The following CACNA2D3 variants were observed in gnomAD, a reference collection of about 807,000 sequenced individuals.
CACNA2D3 encodes calcium voltage-gated channel auxiliary subunit alpha2delta 3.
CACNA2D3 carries 60 observed loss-of-function variants against 160.6 expected under a neutral mutation model. That is an observed-to-expected ratio of 0.37 (90% CI 0.30 to 0.46). CACNA2D3 has a LOEUF of 0.46. Ranked by LOEUF, CACNA2D3 falls within the 20% of genes least tolerant of loss-of-function variation. The pLI is 1.00. For missense variants in CACNA2D3, 1,205 were observed against 1,365.0 expected (o/e 0.88, Z 1.85); for synonymous variants, 558 against 492.9 (o/e 1.13, Z -1.75).
chr3:54,496,965 C>T (rs1467031120), intron 4 of CACNA2D3, among the ~76,000 whole-genome samples: 1 of 152,078 alleles, frequency 6.6e-6, no homozygotes, highest in East Asian at 1.9e-4. Flanking sequence ...GTTTCATGAT[C>T]TGTTTGTCTA....
At chr3:54,207,282 G>T (rs1219674773) in intron 2 of CACNA2D3, among the ~76,000 whole-genome samples, 1 of 150,588 alleles carries the variant, frequency 6.6e-6, no homozygotes, top group Non-Finnish European at 1.5e-5. Flanking sequence ...GTGTGCTAGG[G>T]TCTTCATCTT....
At chr3:54,171,342 G>A (rs549771610) in intron 2 of CACNA2D3, among the ~76,000 whole-genome samples, 1 of 151,630 alleles carries the variant, frequency 6.6e-6, no homozygotes, top group African/African-American at 2.4e-5. Context: ...TGCAGTCTTC[G>A]TGGTTGTAGT....
At chr3:55,038,077 A>G (rs905140483) in intron 35 of CACNA2D3, among the ~76,000 whole-genome samples, 2 of 152,192 alleles carry the variant, frequency 1.3e-5, no homozygotes, top group African/African-American at 2.4e-5. Flanking sequence ...ACTAACATCC[A>G]TGATAAAGCA....
chr3:54,403,153 C>T (rs1013510083), intron 4 of CACNA2D3, among the ~76,000 whole-genome samples: 1 of 151,534 alleles, frequency 6.6e-6, no homozygotes, highest in African/African-American at 2.4e-5. Flanking sequence ...TTGAAGAGTT[C>T]GAGACCAGCT....
At chr3:54,647,803 T>G (rs1414934806) in intron 11 of CACNA2D3, among the ~76,000 whole-genome samples, 1 of 152,236 alleles carries the variant, frequency 6.6e-6, no homozygotes, top group Non-Finnish European at 1.5e-5. Flanking sequence ...AGCATCATGA[T>G]TGCTTATGCA....
At position 54,825,935 on chromosome 3, in the gene CACNA2D3, C is replaced by A. The variant is rs150949089; in HGVS notation, c.1398+9065C>A. 3.6e-3 allele frequency among the ~76,000 whole-genome samples: 552 copies of A among 152,108 alleles called. 3 individuals carry two copies. The highest frequency in any genetic ancestry group is 0.013 in the African/African-American group (521 of 41,500). Reference sequence around the variant, plus strand: ...TATACTAGATTAATATGATGAGTTACTCAAGAGAAAACACACATACCATAT... The same window carrying A: ...TATACTAGATTAATATGATGAGTTAATCAAGAGAAAACACACATACCATAT... On this transcript the variant is annotated intron_variant, in intron 14 of 37. Transcript: ENST00000474759.
chr3:54,569,385 A>G (rs538727558), intron 6 of CACNA2D3, among the ~76,000 whole-genome samples: 9 of 152,104 alleles, frequency 5.9e-5, no homozygotes, highest in Non-Finnish European at 1.3e-4. Flanking sequence ...TCCTGTAGAC[A>G]TTACATCACC....
At chr3:54,633,196 C>T (rs1322001971) in intron 10 of CACNA2D3, among the ~76,000 whole-genome samples, 3 of 152,150 alleles carry the variant, frequency 2.0e-5, no homozygotes, top group Non-Finnish European at 4.4e-5. Flanking sequence ...TGGAGCCCTA[C>T]CACCTATCCA....
intron 35 of CACNA2D3, among the ~76,000 whole-genome samples, chr3:55,027,181 C>T (rs1021601106): frequency 5.3e-5 from 8 of 152,232 alleles, no homozygotes; most frequent in African/African-American, 1.7e-4. Flanking sequence ...TATAGAATTA[C>T]GATTTAATGT....
At chr3:54,716,415 G>A (rs1034964059) in intron 11 of CACNA2D3, among the ~76,000 whole-genome samples, 7 of 152,178 alleles carry the variant, frequency 4.6e-5, no homozygotes, top group Non-Finnish European at 5.9e-5. Flanking sequence ...GAAAAAAAGA[G>A]GGAAGATGTG....
intron 5 of CACNA2D3, among the ~76,000 whole-genome samples, chr3:54,515,345 T>TG (rs1308994806): frequency 6.6e-6 from 1 of 152,204 alleles, no homozygotes; most frequent in Non-Finnish European, 1.5e-5. Flanking sequence ...ATGAGGAACA[T>TG]GTGCTGCTTT....
rs563136783 is a variant in CACNA2D3, at chr3:54,769,511, A to G, written c.1380+5160A>G. Among the ~76,000 whole-genome samples the G allele has an allele frequency of 2.0e-5, 3 of 152,130 alleles. No individual in the cohort carries two copies. The South Asian group carries it at 6.2e-4, about 32-fold the overall frequency. The stretch of plus-strand genomic sequence containing the variant: ...GGTTTGAATTGCATGCCTACTCCAT[A>G]TTTGCTCTGTGACTTTAAGCCAGTT... On this transcript the variant is annotated intron_variant, in intron 13 of 37. Transcript: ENST00000474759.
At chr3:54,516,644 G>C (rs534003598) in intron 5 of CACNA2D3, among the ~76,000 whole-genome samples, 29 of 152,292 alleles carry the variant, frequency 1.9e-4, no homozygotes, top group African/African-American at 6.7e-4. Context: ...AAGTCTCTGG[G>C]TTCCAAGTCT....
intron 4 of CACNA2D3, among the ~76,000 whole-genome samples, chr3:54,500,580 T>C (rs1187624465): frequency 6.7e-6 from 1 of 150,062 alleles, no homozygotes. Context: ...TTCTTTTCAT[T>C]CCTTTCTTTC....
In CACNA2D3 at chr3:54,846,111, A is replaced by G. The variant is rs190603950; in HGVS notation, c.1552-282A>G. ...ACTTTCTTGTTAAAAAAAAAAGGTA[A>G]TTGTTTTGTTTTAAATAAATCAAAA... On this transcript the variant is annotated intron_variant, in intron 16 of 37. Coordinates refer to ENST00000474759, the MANE Select transcript of CACNA2D3 (RefSeq NM_018398.3). Among the ~76,000 whole-genome samples the G allele has an allele frequency of 4.4e-3, 668 of 152,266 alleles. 2 individuals carry two copies. The highest frequency in any genetic ancestry group is 0.027 in the Middle Eastern group (8 of 294).
chr3:54,778,281 T>G (rs7618235), intron 13 of CACNA2D3, among the ~76,000 whole-genome samples: 1 of 151,830 alleles, frequency 6.6e-6, no homozygotes, highest in Admixed American at 6.6e-5. Context: ...TTCTCCAACA[T>G]TGGGGGTTAC....
At chr3:54,492,294 G>T (rs186806224) in intron 4 of CACNA2D3, among the ~76,000 whole-genome samples, 1 of 152,286 alleles carries the variant, frequency 6.6e-6, no homozygotes, top group East Asian at 1.9e-4. Flanking sequence ...CAGGACCCTT[G>T]TTCTTTTCTT....
At position 54,496,708 on chromosome 3, in the gene CACNA2D3, C is replaced by T. The variant is rs112860378; in HGVS notation, c.382-6784C>T. ...CCTTCTGTAGCCTAAGAAATCAACGCCTACCTGGAGGCCATAAAGTATCCT... is the reference window on the plus strand; with the variant it reads ...CCTTCTGTAGCCTAAGAAATCAACGTCTACCTGGAGGCCATAAAGTATCCT... On this transcript the variant is annotated intron_variant, in intron 4 of 37. Transcript: ENST00000474759. Among the ~76,000 whole-genome samples the T allele has an allele frequency of 3.6e-3, 550 of 152,248 alleles. 7 individuals are homozygous for T. Among genetic ancestry groups the T allele is most frequent in the African/African-American group, 0.012 (519 of 41,572 alleles).
intron 4 of CACNA2D3, among the ~76,000 whole-genome samples, chr3:54,437,498 A>G (rs1700078550): frequency 6.6e-6 from 1 of 152,136 alleles, no homozygotes; most frequent in African/African-American, 2.4e-5. Context: ...TGCAGCTCCC[A>G]CTTAGGTGGG....
Sources: allele counts gnomAD v4.1 joint callset (sites outside exome capture counted in the v4.1 genomes callset), GRCh38; gene constraint gnomAD v4.1.1; transcripts MANE v1.5; gene names NCBI Gene and HGNC (gene_info 2026-07-23, HGNC 2026-07-21).